The following CALHM1 variants were observed in gnomAD, a reference collection of about 807,000 sequenced individuals.
CALHM1 encodes the protein calcium homeostasis modulator 1.
CALHM1 carries 11 observed loss-of-function variants against 14.8 expected under a neutral mutation model. That is an observed-to-expected ratio of 0.74 (90% confidence interval 0.47 to 1.23). The LOEUF (loss-of-function observed/expected upper bound fraction) is 1.23. Ranked by LOEUF, CALHM1 falls within the 50% of genes most tolerant of loss-of-function variation. The probability of loss-of-function intolerance (pLI) is 0.00; values close to 1 mark genes in which losing one functional copy is unlikely to be tolerated. For synonymous variants in CALHM1, 215 were observed against 218.9 expected, an observed-to-expected ratio of 0.98 and a Z score of 0.16; for missense variants, 458 against 496.4, an observed-to-expected ratio of 0.92 and a Z score of 0.74.
At position 103,458,663 on chromosome 10, in the gene CALHM1, G is replaced by T. The variant is rs2133825051; in HGVS notation, c.89C>A (p.Ala30Asp). ...GAAGGCCGAGTACATCTGGGCACTGGCCAGGGCCATGATGCCACAGATGCC... is the reference window on the plus strand; with the variant it reads ...GAAGGCCGAGTACATCTGGGCACTGTCCAGGGCCATGATGCCACAGATGCC... ...MNGICGIMAL[A>D]SAQMYSAFDF... The change falls in exon 1 of 2, where the codon GCC (alanine) becomes GAC (aspartate). Residue 30 changes from alanine to aspartate, a missense_variant. Physicochemically the swap from Ala to Asp is moderately radical, Grantham distance 126. Transcript: ENST00000329905. This position sits in a 1 kb window ranked among gnomAD's most constrained non-coding sequence, Gnocchi z 4.9. 6.2e-7 allele frequency: 1 copy of T among 1,614,068 alleles called. No individual in the cohort carries two copies. Among genetic ancestry groups the T allele is most frequent in the Non-Finnish European group, 8.5e-7 (1 of 1,180,044 alleles).
At chr10:103,457,605 T>G (rs1564791593) in intron 1 of CALHM1, among the ~76,000 whole-genome samples, 2 of 152,150 alleles carry the variant, frequency 1.3e-5, no homozygotes, top group Non-Finnish European at 2.9e-5. Context: ...CCGAGAGGCT[T>G]GGATGGGTGA....
chr10:103,458,501 C>T lies in CALHM1; in HGVS notation c.251G>A (p.Arg84Gln), dbSNP rs756899682. 1.9e-5 allele frequency: 31 copies of T among 1,613,202 alleles called. No individual in the cohort carries two copies. The highest frequency in any genetic ancestry group is 8.8e-5 in the South Asian group (8 of 91,086). Reference sequence around the variant, plus strand: ...GTCCTTGGCCCGGCGGCCCAGCGGCCGCTTCCACTCTTCGGCCAGCATGGA... The same window carrying T: ...GTCCTTGGCCCGGCGGCCCAGCGGCTGCTTCCACTCTTCGGCCAGCATGGA... ...NVSMLAEEWK[R>Q]PLGRRAKDPA... The change falls in exon 1 of 2, where the codon CGG (arginine) becomes CAG (glutamine). Residue 84 changes from arginine (R) to glutamine (Q), a missense_variant. Transcript: ENST00000329905. This position sits in a 1 kb window ranked among gnomAD's most constrained non-coding sequence, Gnocchi z 4.9.
chr10:103,455,058 C>T lies in CALHM1; in HGVS notation c.*204G>A. 1.4e-6 allele frequency: 1 copy of T among 727,586 alleles called. No individual in the cohort carries two copies. 45.1% of individuals were successfully genotyped at this position (727,586 alleles called of 1,614,324 possible). A position where few individuals can be genotyped will look rare whatever the true frequency, so the allele number is the denominator to read the frequency against. Reference sequence around the variant, plus strand: ...ATGGGCCCACTGCCCTAGGGCCATCCAGGGCAGTGTCACACCTGAAGGCAT... The same window carrying T: ...ATGGGCCCACTGCCCTAGGGCCATCTAGGGCAGTGTCACACCTGAAGGCAT... On this transcript the variant is annotated 3_prime_UTR_variant, in exon 2 of 2. Coordinates refer to ENST00000329905, the MANE Select transcript of CALHM1 (RefSeq NM_001001412.4).
chr10:103,458,621 C>T lies in CALHM1; in HGVS notation c.131G>A (p.Cys44Tyr). Residue 44 changes from cysteine (C) to tyrosine (Y), a missense_variant, in exon 1 of 2, where the codon TGC becomes TAC. Transcript: ENST00000329905. The surrounding 1 kb of genome is among the most constrained non-coding windows in gnomAD (Gnocchi z 4.9). ...GTAGGCTGCATTGTAGCCCGGCAGG[C>T]AGGGGCAGTTGAAGTCGAAGGCCGA... ...MYSAFDFNCP[C>Y]LPGYNAAYSA... 3.1e-6 allele frequency: 5 copies of T among 1,613,962 alleles called. No homozygotes were observed. The highest frequency in any genetic ancestry group is 4.2e-6 in the Non-Finnish European group (5 of 1,180,050).
chr10:103,458,462 C>T lies in CALHM1; in HGVS notation c.290G>A (p.Arg97His), dbSNP rs770402855. The change falls in exon 1 of 2, where the codon CGC becomes CAC. Residue 97 changes from arginine (R) to histidine (H), a missense_variant. Coordinates refer to ENST00000329905, the MANE Select transcript of CALHM1 (RefSeq NM_001001412.4). The surrounding 1 kb of genome is among the most constrained non-coding windows in gnomAD (Gnocchi z 4.9). ...GRRAKDPAVL[R>H]YMFCSMAQRA... is the part of the protein sequence containing the mutation. Reference sequence around the variant, plus strand: ...CTGGGCCATGGAGCAGAACATGTAGCGCAACACAGCGGGGTCCTTGGCCCG... The same window carrying T: ...CTGGGCCATGGAGCAGAACATGTAGTGCAACACAGCGGGGTCCTTGGCCCG... The T allele has an allele frequency of 4.0e-5, 64 of 1,612,954 alleles. No individual in the cohort carries two copies. The highest frequency in any genetic ancestry group is 8.3e-5 in the Admixed American group (5 of 59,976).
rs372119867 is a variant in CALHM1, at chr10:103,458,768, G to A, written c.-17C>T. The A allele has an allele frequency of 3.1e-5, 49 of 1,583,528 alleles. No homozygotes were observed. Among genetic ancestry groups the A allele is most frequent in the South Asian group, 1.2e-4 (10 of 85,500 alleles). On this transcript the variant is annotated 5_prime_UTR_variant, in exon 1 of 2. Transcript: ENST00000329905. This position sits in a 1 kb window ranked among gnomAD's most constrained non-coding sequence, Gnocchi z 4.9. ...GTCCATCATGCCCGCTGTGGGGCCC[G>A]GCCTCCTCTTCCCAACTCACTGCTG...
rs767873202 is a variant in CALHM1, at chr10:103,455,694, G to A, written c.609C>T (p.Arg203=). 4.3e-6 allele frequency: 7 copies of A among 1,613,172 alleles called. No homozygotes were observed. The South Asian group carries it at 5.5e-5, about 13-fold the overall frequency. The change falls in exon 2 of 2, where the codon CGC becomes CGT. Residue 203 remains arginine (R), a synonymous_variant. Coordinates refer to ENST00000329905, the MANE Select transcript of CALHM1 (RefSeq NM_001001412.4). ...CCTGCGTGAAGCAGGGCCGCACAGA[G>A]CGCACCACGAATGCCAGCAGAGTGG... The part of the protein sequence containing the change: ...LLTTLLAFVV[R]SVRPCFTQAA...
At position 103,454,433 on chromosome 10, in the gene CALHM1, A is replaced by G. The variant is rs978317144; in HGVS notation, c.*829T>C. On this transcript the variant is annotated 3_prime_UTR_variant, in exon 2 of 2. Coordinates refer to ENST00000329905, the MANE Select transcript of CALHM1 (RefSeq NM_001001412.4). ...TTAGCCTCTTAGAACTCCATCCCCA[A>G]GAGGTGGGGTCTTTGAGAAAAATGG... 2.0e-5 allele frequency: 3 copies of G among 152,184 alleles called. No individual in the cohort carries two copies. The highest frequency in any genetic ancestry group is 4.4e-5 in the Non-Finnish European group (3 of 68,038). The allele number at this position is 152,184 out of a possible 1,614,324, so 9.4% of individuals were successfully genotyped here.
At position 103,455,205 on chromosome 10, in the gene CALHM1, G is replaced by C. The variant is rs1029286720; in HGVS notation, c.*57C>G. The C allele has an allele frequency of 6.7e-7, 1 of 1,503,596 alleles. No homozygotes were observed. The highest frequency in any genetic ancestry group is 8.9e-7 in the Non-Finnish European group (1 of 1,124,372). 93.1% of individuals were successfully genotyped at this position (1,503,596 alleles called of 1,614,324 possible). Reference sequence around the variant, plus strand: ...CCCTTCCTTTTTCCACCTGGTTTGGGGGTTGGAGGGGCTGTGGGCTCAGAT... The same window carrying C: ...CCCTTCCTTTTTCCACCTGGTTTGGCGGTTGGAGGGGCTGTGGGCTCAGAT... On this transcript the variant is annotated 3_prime_UTR_variant, in exon 2 of 2. Transcript: ENST00000329905.
At chr10:103,457,668 GC>G (rs2033166374) in intron 1 of CALHM1, among the ~76,000 whole-genome samples, 1 of 152,182 alleles carries the variant, frequency 6.6e-6, no homozygotes, top group Non-Finnish European at 1.5e-5. Flanking sequence ...CCTCACTCTG[GC>G]TGACCCGTCA....
Position 103,458,898 on chromosome 10 carries a change from A to C in CALHM1, c.-147T>G. 4 of 763,904 alleles carry C rather than the reference A, an allele frequency of 5.2e-6. No individual in the cohort carries two copies. In the South Asian group the frequency reaches 7.5e-5, roughly 14 times the overall value. 47.3% of individuals were successfully genotyped at this position (763,904 alleles called of 1,614,324 possible). ...AGAGCTCAGAGCAGAGGCTGAGGTC[A>C]CTGTCGCTTTGAGGAATCTTTAGTC... On this transcript the variant is annotated 5_prime_UTR_variant, in exon 1 of 2. Coordinates refer to ENST00000329905, the MANE Select transcript of CALHM1 (RefSeq NM_001001412.4). The surrounding 1 kb of genome is among the most constrained non-coding windows in gnomAD (Gnocchi z 4.9).
In CALHM1 at chr10:103,455,337, C is replaced by T. The variant is rs1318538430; in HGVS notation, c.966G>A (p.Leu322=). The T allele has an allele frequency of 1.2e-6, 2 of 1,613,606 alleles. No individual in the cohort carries two copies. The highest frequency in any genetic ancestry group is 1.1e-5 in the South Asian group (1 of 91,066). The change falls in exon 2 of 2, where the codon CTG becomes CTA. Residue 322 remains leucine (L), a synonymous_variant. Transcript: ENST00000329905. ...PLRLGQEEPP[L]MGNGWAGGGP... The stretch of plus-strand genomic sequence containing the variant: ...CACCCCCAGCCCAGCCGTTGCCCAT[C>T]AGCGGTGGCTCCTCCTGGCCCAGCC...
At chr10:103,456,644 G>C (rs1414529775) in intron 1 of CALHM1, among the ~76,000 whole-genome samples, 1 of 152,234 alleles carries the variant, frequency 6.6e-6, no homozygotes, top group Non-Finnish European at 1.5e-5. Context: ...AGCACACGGG[G>C]TGGGGAGCCA....
chr10:103,458,546 A>C lies in CALHM1; in HGVS notation c.206T>G (p.Leu69Arg), dbSNP rs756878253. The C allele has an allele frequency of 3.1e-5, 50 of 1,613,664 alleles. 1 individual carries two copies. In the South Asian group the frequency reaches 4.9e-4, roughly 16 times the overall value. ...APPLVLFLLG[L>R]VMNNNVSMLA... ...CATGGACACGTTGTTGTTCATGACC[A>C]GGCCAAGCAGAAAGAGCACCAGGGG... The change falls in exon 1 of 2, where the codon CTG becomes CGG. Residue 69 changes from leucine to arginine, a missense_variant. Coordinates refer to ENST00000329905, the MANE Select transcript of CALHM1 (RefSeq NM_001001412.4). The surrounding 1 kb of genome is among the most constrained non-coding windows in gnomAD (Gnocchi z 4.9).
chr10:103,455,776 G>T, intron 1 of CALHM1, 29 bp from the exon 2 acceptor site: 1 of 1,599,776 alleles, frequency 6.3e-7, no homozygotes, highest in Non-Finnish European at 8.5e-7. Context: ...GAGTCACGGG[G>T]CACTGTCCTT....
In CALHM1 at chr10:103,455,636, A is replaced by G; in HGVS notation, c.667T>C (p.Tyr223His). The change falls in exon 2 of 2, where the codon TAT (tyrosine) becomes CAT (histidine). Residue 223 changes from tyrosine to histidine, a missense_variant. Coordinates refer to ENST00000329905, the MANE Select transcript of CALHM1 (RefSeq NM_001001412.4). ...AFLKSKYWSH[Y>H]IDIERKLFDE... ...AAGAGCTTGCGCTCGATGTCGATAT[A>G]GTGGGACCAGTACTTGCTCTTGAGG... is the stretch of plus-strand genomic sequence containing the variant. 1 of 1,613,832 alleles carries G rather than the reference A, an allele frequency of 6.2e-7. No homozygotes were observed. The highest frequency in any genetic ancestry group is 1.1e-5 in the South Asian group (1 of 91,092).
In CALHM1 at chr10:103,458,729, A is replaced by G. The variant is rs1011687286; in HGVS notation, c.23T>C (p.Ile8Thr). ...CTGGTTGGACTGCAGGAACTGGAAGATCATCCGGAACTTGTCCATCATGCC... is the reference window on the plus strand; with the variant it reads ...CTGGTTGGACTGCAGGAACTGGAAGGTCATCCGGAACTTGTCCATCATGCC... MMDKFRM[I>T]FQFLQSNQES... The change falls in exon 1 of 2, where the codon ATC (isoleucine) becomes ACC (threonine). Residue 8 changes from isoleucine to threonine, a missense_variant. Physicochemically the swap from Ile to Thr is moderately conservative, Grantham distance 89. Transcript: ENST00000329905. The surrounding 1 kb of genome is among the most constrained non-coding windows in gnomAD (Gnocchi z 4.9). The G allele has an allele frequency of 6.2e-7, 1 of 1,612,528 alleles. No homozygotes were observed. The highest frequency in any genetic ancestry group is 8.5e-7 in the Non-Finnish European group (1 of 1,179,140).
chr10:103,455,596 G>T lies in CALHM1; in HGVS notation c.707C>A (p.Thr236Lys). The change falls in exon 2 of 2, where the codon ACG becomes AAG. Residue 236 changes from threonine to lysine, a missense_variant. Coordinates refer to ENST00000329905, the MANE Select transcript of CALHM1 (RefSeq NM_001001412.4). ...CTTGGCAAAGGCTTTGGCGTGCTCC[G>T]TGCACGTCTCGTCGAAGAGCTTGCG... is the stretch of plus-strand genomic sequence containing the variant. Reference protein sequence around the residue: ...IERKLFDETCTEHAKAFAKVC... With the variant: ...IERKLFDETCKEHAKAFAKVC... 1 of 1,614,030 alleles carries T rather than the reference G, an allele frequency of 6.2e-7. No individual in the cohort carries two copies. Among genetic ancestry groups the T allele is most frequent in the Non-Finnish European group, 8.5e-7 (1 of 1,180,052 alleles).
In CALHM1 at chr10:103,455,231, C is replaced by A. The variant is rs1320548411; in HGVS notation, c.*31G>T. On this transcript the variant is annotated 3_prime_UTR_variant, in exon 2 of 2. Transcript: ENST00000329905. ...GGTTGGAGGGGCTGTGGGCTCAGATCCCCGTTCCTGCCTCTTCAGCTGGCC... is the reference window on the plus strand; with the variant it reads ...GGTTGGAGGGGCTGTGGGCTCAGATACCCGTTCCTGCCTCTTCAGCTGGCC... The A allele has an allele frequency of 6.5e-7, 1 of 1,541,080 alleles. No homozygotes were observed. The highest frequency in any genetic ancestry group is 8.8e-7 in the Non-Finnish European group (1 of 1,142,670).
Sources: allele counts gnomAD v4.1 joint callset (sites outside exome capture counted in the v4.1 genomes callset), GRCh38; gene constraint gnomAD v4.1.1; non-coding constraint Gnocchi (gnomAD v3.1); transcripts MANE v1.5; gene names NCBI Gene and HGNC (gene_info 2026-07-23, HGNC 2026-07-21).